The following GALNT13 variants were observed in gnomAD, a reference collection of about 807,000 sequenced individuals.
GALNT13 encodes polypeptide N-acetylgalactosaminyltransferase 13, also known as UDP-GalNAc:polypeptide N-acetylgalactosaminyltransferase 13.
A neutral mutation model predicts 64.2 loss-of-function variants in GALNT13; 28 were observed. That is an observed-to-expected ratio of 0.44 (90% confidence interval 0.32 to 0.60). The LOEUF is 0.60. GALNT13 is among the 20% of genes least tolerant of loss of function. GALNT13 has a pLI of 0.05. For synonymous variants in GALNT13, 214 were observed against 224.6 expected, an observed-to-expected ratio of 0.95 and a Z score of 0.42; for missense variants, 577 against 669.8, an observed-to-expected ratio of 0.86 and a Z score of 1.53.
chr2:154,287,453 G>T (rs1268381011), intron 8 of GALNT13: 3 of 395,018 alleles, frequency 7.6e-6, no homozygotes, highest in South Asian at 7.1e-5. Flanking sequence ...ACCTCTGAGG[G>T]CCAACTAGGC....
the GALNT13 span, among the ~76,000 whole-genome samples, chr2:153,162,543 G>A: frequency 3.5e-4 from 54 of 152,218 alleles, no homozygotes; most frequent in South Asian, 0.011. Context: ...ATTTCAAGAA[G>A]TCAGCCCCCC....
the GALNT13 span, among the ~76,000 whole-genome samples, chr2:153,773,696 T>C: frequency 6.6e-6 from 1 of 152,164 alleles, no homozygotes; most frequent in South Asian, 2.1e-4. Context: ...ATTGACACTT[T>C]TATACTTTAA....
At chr2:154,051,351 C>T (rs1699601491) in intron 3 of GALNT13, among the ~76,000 whole-genome samples, 2 of 137,294 alleles carry the variant, frequency 1.5e-5, no homozygotes, top group Non-Finnish European at 3.0e-5. Flanking sequence ...ACTGCAGTGG[C>T]GCAATCTCGG....
chr2:153,933,087 C>T (rs1690647209), intron 2 of GALNT13, among the ~76,000 whole-genome samples: 1 of 152,046 alleles, frequency 6.6e-6, no homozygotes, highest in Non-Finnish European at 1.5e-5. Flanking sequence ...GAAAATTATA[C>T]ATCTTCTGTT....
chr2:153,214,429 G>T, the GALNT13 span, among the ~76,000 whole-genome samples: 2 of 152,114 alleles, frequency 1.3e-5, no homozygotes, highest in Non-Finnish European at 2.9e-5. Context: ...TAAGAAGCTA[G>T]ATATCCCATC....
At chr2:153,845,963 T>A in the GALNT13 span, among the ~76,000 whole-genome samples, 1 of 152,146 alleles carries the variant, frequency 6.6e-6, no homozygotes, top group Admixed American at 6.5e-5. Context: ...TCTTTGAAGT[T>A]CTGAGAGAAA....
At chr2:154,173,338 T>G (rs963864794) in intron 4 of GALNT13, among the ~76,000 whole-genome samples, 3 of 151,640 alleles carry the variant, frequency 2.0e-5, no homozygotes, top group African/African-American at 7.2e-5. Flanking sequence ...TTAATTTGAT[T>G]TTTTAATTAA....
chr2:154,367,601 T>C (rs1031076882), intron 9 of GALNT13, among the ~76,000 whole-genome samples: 1 of 152,192 alleles, frequency 6.6e-6, no homozygotes, highest in African/African-American at 2.4e-5. Context: ...AGAATTGGCC[T>C]TCTCATTCTG....
At chr2:153,995,120 AATTAG>A (rs1286647378) in intron 3 of GALNT13, among the ~76,000 whole-genome samples, 1 of 151,832 alleles carries the variant, frequency 6.6e-6, no homozygotes, top group Non-Finnish European at 1.5e-5. Context: ...AGAAACAATT[AATTAG>A]ATTAGATCTC....
chr2:153,216,424 A>G, the GALNT13 span, among the ~76,000 whole-genome samples: 1 of 152,058 alleles, frequency 6.6e-6, no homozygotes, highest in Non-Finnish European at 1.5e-5. Context: ...ATTCCTAATC[A>G]GCCAGTATTT....
chr2:154,246,027 A>C, intron 7 of GALNT13, 45 bp downstream of exon 7: 1 of 1,323,320 alleles, frequency 7.6e-7, no homozygotes, highest in Non-Finnish European at 1.1e-6. Context: ...TCCCCCTAAA[A>C]ATTAAGGAAT....
At chr2:153,923,103 T>A in intron 2 of GALNT13, among the ~76,000 whole-genome samples, 1 of 152,054 alleles carries the variant, frequency 6.6e-6, no homozygotes, top group Non-Finnish European at 1.5e-5. Context: ...TTTCACTATG[T>A]TCACCAGGCT....
At position 154,132,756 on chromosome 2, in the gene GALNT13, G is replaced by A. The variant is rs113000323; in HGVS notation, c.143-7581G>A. Among the ~76,000 whole-genome samples, 9 of 152,060 alleles carry A rather than the reference G, an allele frequency of 5.9e-5. 1 individual carries two copies. Among genetic ancestry groups the A allele is most frequent in the African/African-American group, 1.2e-4 (5 of 41,516 alleles). ...AAATAAAAAAAAAAATTAGCTGGGC[G>A]TGCTTGTGCACACCTGTAATCCCAG... On this transcript the variant is annotated intron_variant, in intron 3 of 12. Coordinates refer to ENST00000392825, the MANE Select transcript of GALNT13 (RefSeq NM_052917.4).
the GALNT13 span, among the ~76,000 whole-genome samples, chr2:153,238,701 T>C: frequency 6.6e-6 from 1 of 152,140 alleles, no homozygotes; most frequent in Non-Finnish European, 1.5e-5. Context: ...GTGTCCATTT[T>C]TATGCCAGTA....
intron 3 of GALNT13, among the ~76,000 whole-genome samples, chr2:154,135,916 A>G (rs1434330016): frequency 6.6e-6 from 1 of 152,204 alleles, no homozygotes; most frequent in East Asian, 1.9e-4. Flanking sequence ...TGATCTGGGT[A>G]ATGGTGAGTG....
the GALNT13 span, among the ~76,000 whole-genome samples, chr2:153,611,678 CCTTT>C: frequency 7.8e-6 from 1 of 127,796 alleles, no homozygotes; most frequent in Non-Finnish European, 1.7e-5. Context: ...CACATTTTTA[CCTTT>C]TTTTTTTTTT....
At chr2:154,071,141 A>G (rs1250826155) in intron 3 of GALNT13, among the ~76,000 whole-genome samples, 1 of 152,178 alleles carries the variant, frequency 6.6e-6, no homozygotes, top group Non-Finnish European at 1.5e-5. Context: ...AAAGTTTCAA[A>G]AATCTTTTCT....
At chr2:153,239,710 T>C in the GALNT13 span, among the ~76,000 whole-genome samples, 1 of 152,188 alleles carries the variant, frequency 6.6e-6, no homozygotes, top group African/African-American at 2.4e-5. Flanking sequence ...TTTTAATGTA[T>C]TGTTAAATTT....
chr2:154,173,897 T>C (rs903574548), intron 4 of GALNT13, among the ~76,000 whole-genome samples: 2 of 152,092 alleles, frequency 1.3e-5, no homozygotes, highest in African/African-American at 4.8e-5. Context: ...AGCTGGAAGC[T>C]GGCACAGATG....
Sources: gnomAD v4.1 joint callset for allele counts (sites outside exome capture counted in the v4.1 genomes callset) on GRCh38, gnomAD v4.1.1 for gene constraint, MANE v1.5 for transcripts, NCBI Gene and HGNC (gene_info 2026-07-23, HGNC 2026-07-21) for gene names.